Variants in ZNF536 observed in about 807,000 individuals in gnomAD.
ZNF536 encodes the protein zinc finger protein 536.
In ZNF536, 13 loss-of-function variants were observed where a neutral mutation model predicts 84.5. The ratio of observed to expected loss-of-function variants is 0.15; its 90% confidence interval spans 0.10 to 0.24. The LOEUF is 0.24. ZNF536 is among the 10% of genes least tolerant of loss of function. The probability of loss-of-function intolerance (pLI) is 1.00; values close to 1 mark genes in which losing one functional copy is unlikely to be tolerated. For synonymous variants in ZNF536, 811 were observed against 742.5 expected, an observed-to-expected ratio of 1.09 and a Z score of -1.50; for missense variants, 1,536 against 1,747.5, an observed-to-expected ratio of 0.88 and a Z score of 2.16.
chr19:30,271,107 T>C (rs1599984431), intron 1 of ZNF536, among the ~76,000 whole-genome samples: 1 of 151,978 alleles, frequency 6.6e-6, no homozygotes, highest in African/African-American at 2.4e-5. Flanking sequence ...AATGGTTAGG[T>C]TGGAATTTTC....
At chr19:30,608,545 A>T (rs141535023) in intron 1 of ZNF536, among the ~76,000 whole-genome samples, 1,731 of 152,242 alleles carry the variant, frequency 0.011, 16 homozygotes, top group Non-Finnish European at 0.014. Context: ...CTCTTTACCC[A>T]GCTGTAGGCT....
chr19:30,232,838 C>T (rs2144677759), intron 1 of ZNF536, among the ~76,000 whole-genome samples: 1 of 152,320 alleles, frequency 6.6e-6, no homozygotes, highest in Non-Finnish European at 1.5e-5. Flanking sequence ...GCGTCCCCAG[C>T]TTCTACCCCA....
chr19:30,654,409 A>T (rs1224172231), intron 1 of ZNF536, among the ~76,000 whole-genome samples: 1 of 94,946 alleles, frequency 1.1e-5, no homozygotes, highest in African/African-American at 4.2e-5. Context: ...ACCCCTCACC[A>T]CCCCCCTTAT....
intron 1 of ZNF536, among the ~76,000 whole-genome samples, chr19:30,674,869 T>TC (rs1156789243): frequency 6.6e-6 from 1 of 152,024 alleles, no homozygotes; most frequent in Non-Finnish European, 1.5e-5. Context: ...CTTCCAGCCA[T>TC]CCCCCTGTGG....
intron 1 of ZNF536, among the ~76,000 whole-genome samples, chr19:30,245,163 T>C (rs2024183576): frequency 6.6e-6 from 1 of 152,180 alleles, no homozygotes. Flanking sequence ...GACCCCCTCA[T>C]CCTCACCTTT....
At chr19:30,294,024 G>C (rs2045923015) in intron 2 of ZNF536, among the ~76,000 whole-genome samples, 1 of 152,204 alleles carries the variant, frequency 6.6e-6, no homozygotes, top group African/African-American at 2.4e-5. Flanking sequence ...TTGCCCAGCA[G>C]GTGGTGGTAA....
At chr19:30,647,120 A>G (rs2049504250) in intron 1 of ZNF536, among the ~76,000 whole-genome samples, 1 of 152,148 alleles carries the variant, frequency 6.6e-6, no homozygotes, top group Non-Finnish European at 1.5e-5. Flanking sequence ...CCTTTTTGTT[A>G]CTTTTTCAAA....
intron 2 of ZNF536, among the ~76,000 whole-genome samples, chr19:30,530,766 T>A (rs940858594): frequency 6.6e-6 from 1 of 152,172 alleles, no homozygotes; most frequent in Admixed American, 6.5e-5. Context: ...GGAGAAGTGA[T>A]GGGACTCCCT....
At chr19:30,398,325 T>C (rs753957219) in intron 1 of ZNF536, among the ~76,000 whole-genome samples, 1 of 152,118 alleles carries the variant, frequency 6.6e-6, no homozygotes, top group Non-Finnish European at 1.5e-5. Context: ...TTTTCTCAAT[T>C]TGGGAATGTT....
At chr19:30,638,301 A>G (rs1365094339) in intron 1 of ZNF536, among the ~76,000 whole-genome samples, 1 of 152,318 alleles carries the variant, frequency 6.6e-6, no homozygotes, top group East Asian at 1.9e-4. Flanking sequence ...TAGATTTGCT[A>G]TAAGTACCTA....
chr19:30,225,809 C>A (rs1022876681), upstream of ZNF536, among the ~76,000 whole-genome samples: 5 of 150,880 alleles, frequency 3.3e-5, no homozygotes, highest in Non-Finnish European at 7.4e-5. Context: ...TTGGCGCGGC[C>A]CCCCCGTCCC....
chr19:30,425,937 G>A (rs915437045), intron 1 of ZNF536, among the ~76,000 whole-genome samples: 1 of 152,190 alleles, frequency 6.6e-6, no homozygotes, highest in Non-Finnish European at 1.5e-5. Context: ...TGATTAATAG[G>A]TGTGAGCGAG....
At chr19:30,348,811 T>C (rs2047833523) in intron 2 of ZNF536, among the ~76,000 whole-genome samples, 1 of 133,512 alleles carries the variant, frequency 7.5e-6, no homozygotes, top group South Asian at 2.5e-4. Flanking sequence ...TTTTTTTTCT[T>C]TTCTTTTTTT....
intron 2 of ZNF536, among the ~76,000 whole-genome samples, chr19:30,349,376 C>T (rs548322587): frequency 1.3e-5 from 2 of 152,262 alleles, no homozygotes; most frequent in African/African-American, 2.4e-5. Context: ...CAGTGAAGGC[C>T]GAATGAGTGG....
At chr19:30,499,152 T>C (rs897887686) in intron 2 of ZNF536, among the ~76,000 whole-genome samples, 1 of 152,124 alleles carries the variant, frequency 6.6e-6, no homozygotes, top group Non-Finnish European at 1.5e-5. Context: ...CACCTCTTTT[T>C]CCAGAAGAGC....
chr19:30,258,162 T>C (rs1288401337), intron 1 of ZNF536, among the ~76,000 whole-genome samples: 1 of 152,200 alleles, frequency 6.6e-6, no homozygotes, highest in African/African-American at 2.4e-5. Context: ...ATGGAAGTAG[T>C]TGGCCATGGA....
At chr19:30,447,590 G>A (rs900058958) in intron 2 of ZNF536, among the ~76,000 whole-genome samples, 2 of 152,144 alleles carry the variant, frequency 1.3e-5, no homozygotes, top group African/African-American at 2.4e-5. Flanking sequence ...TACCTGGAGC[G>A]ACTGTCACAT....
rs1252851291 is a variant in ZNF536 at position 30,548,634 on chromosome 19, T to G, written c.3015T>G (p.Phe1005Leu). Reference sequence around the variant, plus strand: ...GCATTGCATGGCACGGCTGCTTGTTTTGTGCTTTCACAACGTCCTCCATGG... The same window carrying G: ...GCATTGCATGGCACGGCTGCTTGTTGTGTGCTTTCACAACGTCCTCCATGG... ...QDSIAWHGCLFCAFTTSSMEL... is the reference protein window; with the variant it reads ...QDSIAWHGCLLCAFTTSSMEL... The change falls in exon 4 of 5, where the codon TTT (phenylalanine) becomes TTG (leucine). Residue 1005 changes from phenylalanine to leucine, a missense_variant. Around this residue, in one of 8 missense-constraint regions of ZNF536, gnomAD observed 624 missense variants for 603.1 expected, o/e 1.03. Transcript: ENST00000355537. 1 of 1,614,116 alleles carries G rather than the reference T, an allele frequency of 6.2e-7. No individual in the cohort carries two copies. The highest frequency in any genetic ancestry group is 8.5e-7 in the Non-Finnish European group (1 of 1,180,030).
At chr19:30,627,983 C>T (rs933260623) in intron 1 of ZNF536, among the ~76,000 whole-genome samples, 2 of 152,192 alleles carry the variant, frequency 1.3e-5, no homozygotes, top group Non-Finnish European at 2.9e-5. Context: ...ACCCAGAACC[C>T]GTGTCCCCCG....
Sources: gnomAD v4.1 joint callset for allele counts (sites outside exome capture counted in the v4.1 genomes callset) on GRCh38, gnomAD v4.1.1 for gene constraint, gnomAD v4.1.1 regional missense constraint, MANE v1.5 for transcripts, NCBI Gene and HGNC (gene_info 2026-07-23, HGNC 2026-07-21) for gene names.